ZFAND3: variants seen among roughly 807,000 people sequenced by gnomAD.
ZFAND3 encodes the protein zinc finger AN1-type containing 3, also known as AN1-type zinc finger protein 3.
ZFAND3 carries 10 observed loss-of-function variants against 29.6 expected under a neutral mutation model. That is an observed-to-expected ratio of 0.34 (90% confidence interval 0.21 to 0.57). The LOEUF (loss-of-function observed/expected upper bound fraction) is 0.57, where lower values mean the gene tolerates loss of function less well. Ranked by LOEUF, ZFAND3 falls within the 20% of genes least tolerant of loss-of-function variation. ZFAND3 has a pLI of 0.86. For synonymous variants in ZFAND3, 128 were observed against 112.6 expected (o/e 1.14, Z -0.87); for missense variants, 230 against 304.5 (o/e 0.76, Z 1.82).
At position 38,153,049 on chromosome 6, in the gene ZFAND3, A is replaced by C; in HGVS notation, c.*660A>C. ...AAGAGAAACAGTAACCTCACTTTGA[A>C]AATTAGCTCCACTCAAGACTAGTCC... On this transcript the variant is annotated 3_prime_UTR_variant, in exon 6 of 6. Coordinates refer to ENST00000287218, the MANE Select transcript of ZFAND3 (RefSeq NM_021943.3). 1 of 985,762 alleles carries C rather than the reference A, an allele frequency of 1.0e-6. No individual in the cohort carries two copies. The highest frequency in any genetic ancestry group is 1.2e-6 in the Non-Finnish European group (1 of 829,948). 61.1% of individuals were successfully genotyped at this position (985,762 alleles called of 1,614,324 possible). A position where few individuals can be genotyped will look rare whatever the true frequency, so the allele number is the denominator to read the frequency against.
chr6:38,016,292 T>C (rs1244868234), intron 2 of ZFAND3, among the ~76,000 whole-genome samples: 1 of 152,212 alleles, frequency 6.6e-6, no homozygotes, highest in Non-Finnish European at 1.5e-5. Context: ...CAATATATGA[T>C]AGCTTCATTT....
chr6:37,921,361 G>T (rs903611912), intron 1 of ZFAND3, among the ~76,000 whole-genome samples: 24 of 151,708 alleles, frequency 1.6e-4, no homozygotes, highest in African/African-American at 2.2e-4. Flanking sequence ...GTATACTTAC[G>T]TGCTGGTACT....
intron 1 of ZFAND3, among the ~76,000 whole-genome samples, chr6:37,885,168 A>T (rs972598575): frequency 8.0e-6 from 1 of 125,588 alleles, no homozygotes. Context: ...AATGATTAAC[A>T]TGTTTTTTAG....
chr6:38,109,461 C>T (rs1765273387), intron 4 of ZFAND3, among the ~76,000 whole-genome samples: 1 of 152,048 alleles, frequency 6.6e-6, no homozygotes, highest in Non-Finnish European at 1.5e-5. Flanking sequence ...GGATTACAGG[C>T]GTGAGTCACT....
chr6:38,128,538 G>A (rs1409169797), intron 5 of ZFAND3, among the ~76,000 whole-genome samples: 1 of 151,968 alleles, frequency 6.6e-6, no homozygotes, highest in Non-Finnish European at 1.5e-5. Flanking sequence ...CTATCCCTTT[G>A]CATCCTCATA....
intron 2 of ZFAND3, among the ~76,000 whole-genome samples, chr6:37,964,711 T>TC (rs1379661090): frequency 6.6e-6 from 1 of 152,252 alleles, no homozygotes; most frequent in East Asian, 1.9e-4. Flanking sequence ...TATCATGCAT[T>TC]CCGGCATCCC....
At chr6:38,067,968 T>C (rs1304486574) in intron 3 of ZFAND3, among the ~76,000 whole-genome samples, 2 of 152,200 alleles carry the variant, frequency 1.3e-5, no homozygotes, top group African/African-American at 4.8e-5. Flanking sequence ...TCTGTCTCTT[T>C]CTAGGCAGGA....
chr6:37,984,145 C>G (rs1762626381), intron 2 of ZFAND3, among the ~76,000 whole-genome samples: 1 of 152,066 alleles, frequency 6.6e-6, no homozygotes, highest in South Asian at 2.1e-4. Context: ...AATAAGATCG[C>G]TAAACTTCCA....
chr6:37,945,015 C>T (rs755408091), intron 2 of ZFAND3, among the ~76,000 whole-genome samples: 2 of 152,142 alleles, frequency 1.3e-5, no homozygotes, highest in Non-Finnish European at 2.9e-5. Flanking sequence ...ACTTTAGTGC[C>T]ACCCATTTTT....
intron 1 of ZFAND3, among the ~76,000 whole-genome samples, chr6:37,902,515 A>G (rs1204861949): frequency 6.6e-6 from 1 of 152,088 alleles, no homozygotes; most frequent in Non-Finnish European, 1.5e-5. Context: ...CCACCAAACA[A>G]ACAAAACAAA....
At chr6:37,900,237 C>T (rs1040911442) in intron 1 of ZFAND3, among the ~76,000 whole-genome samples, 22 of 152,092 alleles carry the variant, frequency 1.4e-4, no homozygotes, top group Non-Finnish European at 2.9e-4. Context: ...GAATTTCTTC[C>T]CATATTATCT....
chr6:38,093,670 C>T (rs1324142058), intron 4 of ZFAND3, among the ~76,000 whole-genome samples: 1 of 152,066 alleles, frequency 6.6e-6, no homozygotes, highest in Non-Finnish European at 1.5e-5. Flanking sequence ...ATGGCCATGG[C>T]TAGCAGAAGA....
At position 37,937,946 on chromosome 6, in the gene ZFAND3, A is replaced by G. The variant is rs572935112; in HGVS notation, c.112+7947A>G. Among the ~76,000 whole-genome samples the G allele has an allele frequency of 1.5e-3, 228 of 152,274 alleles. 1 individual carries two copies. The highest frequency in any genetic ancestry group is 5.1e-3 in the African/African-American group (213 of 41,558). The stretch of plus-strand genomic sequence containing the variant: ...GTGTCTGACATTCAGAATATCCACA[A>G]ACCCACCCAGAAGTAACAAATGTTA... On this transcript the variant is annotated intron_variant, in intron 2 of 5. Transcript: ENST00000287218.
chr6:37,843,479 T>A (rs1188726827), intron 1 of ZFAND3, among the ~76,000 whole-genome samples: 1 of 150,278 alleles, frequency 6.7e-6, no homozygotes, highest in East Asian at 1.9e-4. Context: ...AGAGTGAGAC[T>A]CCGTCTCAAA....
chr6:37,944,081 G>A (rs150989412), intron 2 of ZFAND3, among the ~76,000 whole-genome samples: 1 of 152,104 alleles, frequency 6.6e-6, no homozygotes, highest in Admixed American at 6.5e-5. Context: ...TCATTGTTCT[G>A]TAGAGTTGAT....
chr6:37,846,089 A>G (rs1764172265), intron 1 of ZFAND3, among the ~76,000 whole-genome samples: 1 of 152,144 alleles, frequency 6.6e-6, no homozygotes, highest in African/African-American at 2.4e-5. Context: ...TAGGACACTC[A>G]TGTTGGCTTT....
intron 1 of ZFAND3, among the ~76,000 whole-genome samples, chr6:37,851,911 A>G (rs1009809799): frequency 6.6e-6 from 1 of 152,208 alleles, no homozygotes; most frequent in African/African-American, 2.4e-5. Context: ...TTAATTAAAG[A>G]TTGATTCTTT....
chr6:37,854,444 A>G (rs1764339096), intron 1 of ZFAND3, among the ~76,000 whole-genome samples: 1 of 152,060 alleles, frequency 6.6e-6, no homozygotes. Context: ...AAGTCCCTTT[A>G]CTCTTTAGAG....
At chr6:37,906,188 A>C (rs1180778741) in intron 1 of ZFAND3, among the ~76,000 whole-genome samples, 1 of 152,156 alleles carries the variant, frequency 6.6e-6, no homozygotes, top group African/African-American at 2.4e-5. Flanking sequence ...GTACCCATTG[A>C]GGAGCCACTT....
Sources: allele counts gnomAD v4.1 joint callset (sites outside exome capture counted in the v4.1 genomes callset), GRCh38; gene constraint gnomAD v4.1.1; transcripts MANE v1.5; gene names NCBI Gene and HGNC (gene_info 2026-07-23, HGNC 2026-07-21).